The following SEM1 variants were observed in gnomAD, a reference collection of about 807,000 sequenced individuals.
SEM1 encodes SEM1 26S proteasome subunit.
A neutral mutation model predicts 12.7 loss-of-function variants in SEM1; 3 were observed. The ratio of observed to expected loss-of-function variants is 0.24; its 90% confidence interval spans 0.11 to 0.61. SEM1 has a LOEUF of 0.61. Among genes scored for constraint, SEM1 ranks in the 20% least tolerant of loss-of-function variants. The pLI is 0.88. For synonymous variants in SEM1, 30 were observed against 27.8 expected (o/e 1.08, Z -0.25); for missense variants, 59 against 81.3 (o/e 0.73, Z 1.06).
chr7:96,487,326 G>C (rs773130118), intron 1 of SEM1, among the ~76,000 whole-genome samples: 2 of 149,898 alleles, frequency 1.3e-5, no homozygotes, highest in Non-Finnish European at 2.9e-5. Context: ...ATGAGTCTGA[G>C]GCCAAAAGAA....
intron 2 of SEM1, among the ~76,000 whole-genome samples, chr7:96,675,900 C>A (rs1162600623): frequency 6.6e-6 from 1 of 152,182 alleles, no homozygotes; most frequent in Non-Finnish European, 1.5e-5. Context: ...GTTACTTTCT[C>A]AAGTTCCTCT....
intron 2 of SEM1, among the ~76,000 whole-genome samples, chr7:96,689,431 T>C (rs1033470985): frequency 1.3e-5 from 2 of 152,224 alleles, no homozygotes; most frequent in Non-Finnish European, 2.9e-5. Context: ...AATAAACAGA[T>C]TGCTTTCCAT....
chr7:96,703,972 A>C lies in SEM1; in HGVS notation c.76+5716T>G, dbSNP rs111846161. Among the ~76,000 whole-genome samples, 610 of 142,192 alleles carry C rather than the reference A, an allele frequency of 4.3e-3. 6 individuals are homozygous for C. Among genetic ancestry groups the C allele is most frequent in the African/African-American group, 0.015 (548 of 37,482 alleles). The allele number at this position is 142,192 out of a possible 152,430, so 93.3% of individuals were successfully genotyped here. On this transcript the variant is annotated intron_variant, in intron 1 of 2. Coordinates refer to ENST00000248566, the MANE Select transcript of SEM1 (RefSeq NM_006304.2). ...CCAGAGCAAGACCTTGTCTCTTAAA[A>C]ACACACACACACACACACACACACA...
intron 2 of SEM1, among the ~76,000 whole-genome samples, chr7:96,508,475 T>C (rs991100462): frequency 1.3e-5 from 2 of 152,096 alleles, no homozygotes; most frequent in African/African-American, 4.8e-5. Flanking sequence ...CATGTATACA[T>C]GGCCTAAGTG....
chr7:96,595,235 G>A (rs1476157965), intron 2 of SEM1, among the ~76,000 whole-genome samples: 2 of 151,868 alleles, frequency 1.3e-5, no homozygotes, highest in Non-Finnish European at 2.9e-5. Flanking sequence ...TAGTTAGGCC[G>A]GGCACAGGGG....
chr7:96,687,961 G>A (rs993612034), downstream of SEM1: 3 of 152,078 alleles, frequency 2.0e-5, no homozygotes, highest in East Asian at 3.9e-4. Flanking sequence ...TCATTTTGAA[G>A]TATAACTTGT....
intron 2 of SEM1, among the ~76,000 whole-genome samples, chr7:96,529,929 G>A (rs1449616255): frequency 2.0e-5 from 3 of 152,098 alleles, no homozygotes; most frequent in Admixed American, 6.6e-5. Context: ...CTGGCTCCTA[G>A]CATAAAAACA....
At chr7:96,519,585 G>A (rs887166610) in intron 2 of SEM1, among the ~76,000 whole-genome samples, 5 of 152,098 alleles carry the variant, frequency 3.3e-5, no homozygotes, top group African/African-American at 1.2e-4. Flanking sequence ...AAGACTCGAA[G>A]GAGGTGAGGG....
downstream of SEM1, among the ~76,000 whole-genome samples, chr7:96,621,047 A>G (rs1807877368): frequency 6.6e-6 from 1 of 152,082 alleles, no homozygotes; most frequent in Non-Finnish European, 1.5e-5. Flanking sequence ...TGAACACACT[A>G]TGTATGACCA....
chr7:96,486,064 A>C, intron 2 of SEM1: 1 of 648,756 alleles, frequency 1.5e-6, no homozygotes, highest in East Asian at 2.7e-5. Flanking sequence ...AAGAAAGGAA[A>C]ATATCACGTG....
intron 1 of SEM1, among the ~76,000 whole-genome samples, chr7:96,487,780 C>T (rs1182092717): frequency 1.3e-5 from 2 of 150,132 alleles, no homozygotes; most frequent in East Asian, 3.8e-4. Context: ...AAAAAATAAT[C>T]AGGAGAGTTG....
At chr7:96,632,789 T>G (rs1303169852) in intron 2 of SEM1, among the ~76,000 whole-genome samples, 5 of 150,100 alleles carry the variant, frequency 3.3e-5, no homozygotes, top group South Asian at 2.1e-4. Context: ...TTTTTGTTTT[T>G]TTTTTTTTTT....
At chr7:96,621,137 A>G (rs1807880234), downstream of SEM1, among the ~76,000 whole-genome samples, 1 of 152,242 alleles carries the variant, frequency 6.6e-6, no homozygotes, top group Admixed American at 6.5e-5. Context: ...TTAAGAAAAT[A>G]TGGAATAGAA....
At position 96,681,387 on chromosome 7, in the gene SEM1, AAGCAAC is replaced by A. The variant is rs1789607609; in HGVS notation, c.171-7534_171-7529del. Among the ~76,000 whole-genome samples, 5 of 152,202 alleles carry A rather than the reference AAGCAAC, an allele frequency of 3.3e-5. No individual in the cohort carries two copies. In the East Asian group the frequency reaches 9.7e-4, roughly 29 times the overall value. On this transcript the variant is annotated intron_variant, in intron 2 of 2. Coordinates refer to the SEM1 transcript ENST00000413065. ...GGTAATAATTGCAGTAAATCCTAAT[AAGCAAC>A]AGTGATAGTACTAATAATAGTAGTG...
chr7:96,491,102 TC>T (rs996589189), intron 1 of SEM1, among the ~76,000 whole-genome samples: 24 of 152,334 alleles, frequency 1.6e-4, no homozygotes, highest in African/African-American at 5.3e-4. Flanking sequence ...CAGAGGTATC[TC>T]TTTTTTTCTT....
intron 2 of SEM1, among the ~76,000 whole-genome samples, chr7:96,485,947 G>A (rs1802737165): frequency 6.6e-6 from 1 of 151,978 alleles, no homozygotes; most frequent in Non-Finnish European, 1.5e-5. Context: ...GGGGGGTAAG[G>A]GGGACATTGT....
intron 2 of SEM1, among the ~76,000 whole-genome samples, chr7:96,606,785 A>G (rs1807393034): frequency 6.6e-6 from 1 of 152,084 alleles, no homozygotes; most frequent in Admixed American, 6.5e-5. Context: ...TTGTAGGCAC[A>G]TTTGTACCAT....
At chr7:96,676,773 T>C (rs1348967769) in intron 2 of SEM1, among the ~76,000 whole-genome samples, 1 of 152,306 alleles carries the variant, frequency 6.6e-6, no homozygotes, top group East Asian at 1.9e-4. Flanking sequence ...TATGGGCTAG[T>C]ATATACCATG....
intron 2 of SEM1, among the ~76,000 whole-genome samples, chr7:96,510,596 C>A (rs1254592888): frequency 1.3e-5 from 2 of 152,104 alleles, no homozygotes; most frequent in African/African-American, 4.8e-5. Context: ...CAAAGGAAAC[C>A]AAACCTAATC....
Sources: gnomAD v4.1 joint callset for allele counts (sites outside exome capture counted in the v4.1 genomes callset) on GRCh38, gnomAD v4.1.1 for gene constraint, MANE v1.5 for transcripts, NCBI Gene and HGNC (gene_info 2026-07-23, HGNC 2026-07-21) for gene names.